PLEKHA2: variants seen among roughly 807,000 people sequenced by gnomAD.
The protein encoded by PLEKHA2 is pleckstrin homology domain containing A2.
In PLEKHA2, 28 loss-of-function variants were observed where a neutral mutation model predicts 53.2. The observed-to-expected ratio is 0.53, with a 90% CI of 0.39 to 0.72. The LOEUF (loss-of-function observed/expected upper bound fraction) is 0.72. Among genes scored for constraint, PLEKHA2 ranks in the 30% least tolerant of loss-of-function variants. PLEKHA2 has a pLI of 0.00. For synonymous variants in PLEKHA2, 193 were observed against 196.4 expected (o/e 0.98, Z 0.14); for missense variants, 426 against 537.9 (o/e 0.79, Z 2.06).
intron 10 of PLEKHA2, among the ~76,000 whole-genome samples, chr8:38,962,251 G>A (rs1050393936): frequency 6.6e-6 from 1 of 152,100 alleles, no homozygotes; most frequent in Non-Finnish European, 1.5e-5. Flanking sequence ...CACTTTGGGA[G>A]GCCAAAGTGG....
Position 38,936,003 on chromosome 8 carries a change from A to T in PLEKHA2, c.151A>T (p.Met51Leu), listed in dbSNP as rs765042900. 2 of 1,613,438 alleles carry T rather than the reference A, an allele frequency of 1.2e-6. No individual in the cohort carries two copies. The highest frequency in any genetic ancestry group is 1.7e-6 in the Non-Finnish European group (2 of 1,179,474). Reference sequence around the variant, plus strand: ...ACTATGTGTCTTTCAGAATCTGGCAATGGGGGCAGGAGCTGTTGGAGCTTT... The same window carrying T: ...ACTATGTGTCTTTCAGAATCTGGCATTGGGGGCAGGAGCTGTTGGAGCTTT... Reference protein sequence around the residue: ...WYMDNPQNLAMGAGAVGALQL... With the variant: ...WYMDNPQNLALGAGAVGALQL... The change falls in exon 3 of 12, where the codon ATG becomes TTG. Residue 51 changes from methionine to leucine, a missense_variant. By Grantham distance (15) the Met-to-Leu change is conservative. Transcript: ENST00000617275.
chr8:38,958,239 C>T (rs1051653241), intron 10 of PLEKHA2, among the ~76,000 whole-genome samples: 1 of 152,044 alleles, frequency 6.6e-6, no homozygotes, highest in African/African-American at 2.4e-5. Flanking sequence ...AGGAGAATTG[C>T]TTGAACCCGG....
At chr8:38,903,567 G>A (rs1445385234) in intron 1 of PLEKHA2, among the ~76,000 whole-genome samples, 1 of 152,114 alleles carries the variant, frequency 6.6e-6, no homozygotes, top group African/African-American at 2.4e-5. Flanking sequence ...AAGTGGGAAG[G>A]GGAAGGCTGA....
intron 1 of PLEKHA2, among the ~76,000 whole-genome samples, chr8:38,906,745 G>A (rs1303349168): frequency 6.6e-6 from 1 of 152,206 alleles, no homozygotes; most frequent in Non-Finnish European, 1.5e-5. Context: ...TCTCAGGGAT[G>A]TGTTCTCAAA....
At chr8:38,942,233 C>A (rs1311927170) in intron 3 of PLEKHA2, among the ~76,000 whole-genome samples, 1 of 151,736 alleles carries the variant, frequency 6.6e-6, no homozygotes, top group African/African-American at 2.4e-5. Flanking sequence ...GAGACCCCAT[C>A]TCTAAAAAAA....
chr8:38,901,468 C>T (rs1338545247), intron 1 of PLEKHA2, 23 bp downstream of exon 1: 1 of 151,484 alleles, frequency 6.6e-6, no homozygotes, highest in Non-Finnish European at 1.5e-5. Context: ...CCCTCGCGGG[C>T]TCGGGAGTGG....
chr8:38,907,249 G>T (rs1833890978), intron 1 of PLEKHA2, among the ~76,000 whole-genome samples: 1 of 152,084 alleles, frequency 6.6e-6, no homozygotes, highest in African/African-American at 2.4e-5. Flanking sequence ...TCTCATTTTT[G>T]AACTGAGGTT....
Position 38,969,769 on chromosome 8 carries a change from AC to A in PLEKHA2, c.1266del (p.Ser423LeufsTer76), listed in dbSNP as rs1835211463. Reference sequence around the variant, plus strand: ...CAACCTTGATGATGAAAACATACGGACCTCTGATGTGTGATGGAGCACAGTG... The same window carrying A: ...CAACCTTGATGATGAAAACATACGGACTCTGATGTGTGATGGAGCACAGTG... ...MFNLDDENIR[T>X]SDV On this transcript the variant is annotated frameshift_variant, in exon 12 of 12. Transcript: ENST00000617275. LOFTEE classifies it high-confidence loss of function. 1 of 1,278,678 alleles carries A rather than the reference AC, an allele frequency of 7.8e-7. No individual in the cohort carries two copies. Among genetic ancestry groups the A allele is most frequent in the Non-Finnish European group, 1.0e-6 (1 of 965,282 alleles). The allele number at this position is 1,278,678 out of a possible 1,614,324, so 79.2% of individuals were successfully genotyped here.
chr8:38,910,175 T>G (rs983688970), intron 1 of PLEKHA2, among the ~76,000 whole-genome samples: 5 of 152,184 alleles, frequency 3.3e-5, no homozygotes, highest in African/African-American at 9.7e-5. Context: ...CAGGCTGGTC[T>G]CAAACTCTTG....
chr8:38,960,753 G>A (rs1380193326), intron 10 of PLEKHA2: 2 of 152,128 alleles, frequency 1.3e-5, no homozygotes, highest in Admixed American at 6.5e-5. Context: ...TATTTTAATA[G>A]CCTTTTTAGA....
At chr8:38,945,111 G>T (rs1356734783) in intron 4 of PLEKHA2, among the ~76,000 whole-genome samples, 1 of 152,226 alleles carries the variant, frequency 6.6e-6, no homozygotes, top group East Asian at 1.9e-4. Context: ...GAAGTGGTCA[G>T]TGAATTCAGT....
Position 38,970,049 on chromosome 8 carries a change from A to G in PLEKHA2, c.*266A>G. On this transcript the variant is annotated 3_prime_UTR_variant, in exon 12 of 12. Transcript: ENST00000617275. ...ACTGTAGGCATACTCAGTGGAGAGGAAGCTACCTATTCTATTCTAACTATT... is the reference window on the plus strand; with the variant it reads ...ACTGTAGGCATACTCAGTGGAGAGGGAGCTACCTATTCTATTCTAACTATT... 1.8e-6 allele frequency: 1 copy of G among 556,710 alleles called. No homozygotes were observed. The highest frequency in any genetic ancestry group is 3.6e-5 in the Admixed American group (1 of 27,704). The allele number at this position is 556,710 out of a possible 1,614,324, so 34.5% of individuals were successfully genotyped here.
chr8:38,952,535 G>A (rs990339657), intron 7 of PLEKHA2, 101 bp from the exon 8 acceptor site: 1 of 1,398,366 alleles, frequency 7.2e-7, no homozygotes. Context: ...GTGGGAGCCG[G>A]ACTTCCATGG....
In PLEKHA2 at chr8:38,969,799, T is replaced by C. The variant is rs1413704929; in HGVS notation, c.*16T>C. 4.9e-6 allele frequency: 2 copies of C among 406,462 alleles called. No individual in the cohort carries two copies. Among genetic ancestry groups the C allele is most frequent in the South Asian group, 3.5e-5 (2 of 57,002 alleles). 25.2% of individuals were successfully genotyped at this position (406,462 alleles called of 1,614,324 possible). On this transcript the variant is annotated 3_prime_UTR_variant, in exon 12 of 12. Coordinates refer to ENST00000617275, the MANE Select transcript of PLEKHA2 (RefSeq NM_021623.2). ...TGATGTGTGATGGAGCACAGTGCCA[T>C]GGGAGGGAGGGAGGGAGGGAGGACT... is the stretch of plus-strand genomic sequence containing the variant.
At chr8:38,902,070 G>C (rs926521482) in intron 1 of PLEKHA2, 3 of 152,306 alleles carry the variant, frequency 2.0e-5, no homozygotes, top group African/African-American at 7.2e-5. Context: ...TAAAATGCAG[G>C]TTCGGTGCCA....
chr8:38,948,298 A>G (rs1834754417), intron 5 of PLEKHA2, among the ~76,000 whole-genome samples: 1 of 152,180 alleles, frequency 6.6e-6, no homozygotes, highest in South Asian at 2.1e-4. Context: ...ACATGCAGCA[A>G]CAAGGAGTCA....
chr8:38,946,331 G>T, intron 5 of PLEKHA2, 110 bp downstream of exon 5: 1 of 909,506 alleles, frequency 1.1e-6, no homozygotes, highest in Admixed American at 2.1e-5. Flanking sequence ...TTTCCCAGGA[G>T]CCTGGTCTGT....
chr8:38,928,368 C>A (rs1834326060), intron 2 of PLEKHA2, among the ~76,000 whole-genome samples: 1 of 151,546 alleles, frequency 6.6e-6, no homozygotes, highest in African/African-American at 2.4e-5. Context: ...CCTACCGCAG[C>A]CTCCCGGATA....
At chr8:38,939,769 C>T (rs917474222) in intron 3 of PLEKHA2, among the ~76,000 whole-genome samples, 1 of 152,058 alleles carries the variant, frequency 6.6e-6, no homozygotes. Context: ...TCTTGGAGTG[C>T]CCAGTTTTTC....
Sources: gnomAD v4.1 joint callset for allele counts (sites outside exome capture counted in the v4.1 genomes callset) on GRCh38, gnomAD v4.1.1 for gene constraint, MANE v1.5 for transcripts, NCBI Gene and HGNC (gene_info 2026-07-23, HGNC 2026-07-21) for gene names.